Variants in DISC1 observed in about 807,000 individuals in gnomAD.
DISC1 encodes the protein DISC1 scaffold protein.
Under a neutral mutation model 84.5 loss-of-function variants are expected in DISC1, and 57 were observed. That is an observed-to-expected ratio of 0.67 (90% CI 0.55 to 0.84). DISC1 has a LOEUF of 0.84. Ranked by LOEUF, DISC1 falls within the 40% of genes least tolerant of loss-of-function variation. DISC1 has a pLI of 0.00. For synonymous variants in DISC1, 411 were observed against 415.2 expected (o/e 0.99, Z 0.12); for missense variants, 1,000 against 1,057.8 (o/e 0.95, Z 0.76).
intron 3 of DISC1, among the ~76,000 whole-genome samples, chr1:231,729,706 A>G (rs1348765778): frequency 6.7e-6 from 1 of 148,192 alleles, no homozygotes; most frequent in Non-Finnish European, 1.5e-5. Flanking sequence ...TTAATCCTCT[A>G]GGGTTTTTTT....
intron 3 of DISC1, among the ~76,000 whole-genome samples, chr1:231,741,436 G>A (rs570849003): frequency 6.6e-6 from 1 of 152,208 alleles, no homozygotes; most frequent in Non-Finnish European, 1.5e-5. Context: ...CAAAACAAGG[G>A]AATCTAAAGT....
intron 9 of DISC1, among the ~76,000 whole-genome samples, chr1:231,845,681 C>T (rs957343594): frequency 6.6e-6 from 1 of 151,524 alleles, no homozygotes; most frequent in African/African-American, 2.4e-5. Context: ...AACGGAGTGG[C>T]AGGAAGGTGA....
chr1:231,952,007 C>G (rs150174996), intron 9 of DISC1, among the ~76,000 whole-genome samples: 1 of 143,522 alleles, frequency 7.0e-6, no homozygotes, highest in Non-Finnish European at 1.5e-5. Context: ...CACTTGAGCC[C>G]AGGAGTTCAA....
chr1:231,681,601 A>G (rs1029084728), intron 1 of DISC1, among the ~76,000 whole-genome samples: 3 of 152,298 alleles, frequency 2.0e-5, no homozygotes, highest in Non-Finnish European at 2.9e-5. Context: ...TTGAATGGCA[A>G]TGGAGGGGAA....
At chr1:231,628,190 G>T (rs2058422028) in intron 1 of DISC1, among the ~76,000 whole-genome samples, 1 of 152,186 alleles carries the variant, frequency 6.6e-6, no homozygotes, top group Non-Finnish European at 1.5e-5. Flanking sequence ...CATGGTACAT[G>T]AAGTCCTCTG....
At chr1:231,753,518 C>G (rs780704454) in intron 4 of DISC1, among the ~76,000 whole-genome samples, 1 of 152,238 alleles carries the variant, frequency 6.6e-6, no homozygotes, top group African/African-American at 2.4e-5. Flanking sequence ...CCCATGAAAC[C>G]ATTCCGTCCT....
At chr1:231,758,176 T>C (rs972698658) in intron 4 of DISC1, among the ~76,000 whole-genome samples, 21 of 152,114 alleles carry the variant, frequency 1.4e-4, no homozygotes, top group African/African-American at 5.1e-4. Context: ...TTTATTGAAT[T>C]TTCCTCTTTC....
chr1:231,831,291 G>C (rs150703173), intron 9 of DISC1, among the ~76,000 whole-genome samples: 2 of 152,194 alleles, frequency 1.3e-5, no homozygotes, highest in South Asian at 2.1e-4. Context: ...TAGATTTCCA[G>C]GATGGAAAGG....
intron 8 of DISC1, among the ~76,000 whole-genome samples, chr1:231,812,445 C>T (rs2080398788): frequency 1.3e-5 from 2 of 152,140 alleles, no homozygotes; most frequent in Non-Finnish European, 2.9e-5. Flanking sequence ...TTAATTTAAA[C>T]ACAATTTAAA....
intron 9 of DISC1, among the ~76,000 whole-genome samples, chr1:231,871,262 C>T (rs1204692686): frequency 6.6e-6 from 1 of 152,200 alleles, no homozygotes; most frequent in Non-Finnish European, 1.5e-5. Context: ...GCCATTCTCT[C>T]CTCAGAGTGT....
chr1:231,736,718 A>T (rs1257365040), intron 3 of DISC1, among the ~76,000 whole-genome samples: 1 of 152,258 alleles, frequency 6.6e-6, no homozygotes, highest in Non-Finnish European at 1.5e-5. Context: ...GAATTAGAAT[A>T]TTCAGCTCTC....
At chr1:231,972,751 A>G (rs1662183145) in intron 10 of DISC1, among the ~76,000 whole-genome samples, 3 of 152,220 alleles carry the variant, frequency 2.0e-5, no homozygotes. Flanking sequence ...AGAAAATGGC[A>G]GTTGATGTCT....
chr1:231,643,066 A>G (rs2059855436), intron 1 of DISC1, among the ~76,000 whole-genome samples: 1 of 152,202 alleles, frequency 6.6e-6, no homozygotes, highest in Non-Finnish European at 1.5e-5. Context: ...TATTTCCACC[A>G]AGGGAGAGCT....
chr1:231,653,361 A>G (rs994252681), intron 1 of DISC1, among the ~76,000 whole-genome samples: 7 of 152,132 alleles, frequency 4.6e-5, no homozygotes, highest in Non-Finnish European at 5.9e-5. Context: ...CCATGCAGGG[A>G]CTCAGGCCCT....
chr1:231,652,431 G>T (rs1232005702), intron 1 of DISC1, among the ~76,000 whole-genome samples: 2 of 152,160 alleles, frequency 1.3e-5, no homozygotes, highest in Non-Finnish European at 2.9e-5. Flanking sequence ...ATTCAATACT[G>T]ATGGGAAAAC....
intron 9 of DISC1, among the ~76,000 whole-genome samples, chr1:231,851,806 C>T (rs545151049): frequency 1.1e-4 from 16 of 152,124 alleles, no homozygotes; most frequent in Non-Finnish European, 2.2e-4. Flanking sequence ...TTTGAGGAGG[C>T]AGAGTTCCCC....
chr1:231,797,220 A>C (rs1389849635), intron 7 of DISC1, among the ~76,000 whole-genome samples: 1 of 152,194 alleles, frequency 6.6e-6, no homozygotes, highest in Non-Finnish European at 1.5e-5. Context: ...TGTGTATGAC[A>C]CTGTATATTG....
chr1:231,770,828 T>G lies in DISC1; in HGVS notation c.1399-7T>G. ...TTTATAAAATCTTGTCTCCTCATTCTCTACAGAAAGAAATCGAAGCTCTCC... is the reference window on the plus strand; with the variant it reads ...TTTATAAAATCTTGTCTCCTCATTCGCTACAGAAAGAAATCGAAGCTCTCC... On this transcript the variant is annotated splice_region_variant and splice_polypyrimidine_tract_variant and intron_variant, in intron 5 of 12. Coordinates refer to ENST00000439617, the MANE Select transcript of DISC1 (RefSeq NM_018662.3). 4 of 1,613,726 alleles carry G rather than the reference T, an allele frequency of 2.5e-6. No individual in the cohort carries two copies. Among genetic ancestry groups the G allele is most frequent in the Non-Finnish European group, 2.5e-6 (3 of 1,179,818 alleles).
Position 232,031,188 on chromosome 1 carries a change from G to GGAGA in DISC1, c.2425+4639_2425+4642dup, listed in dbSNP as rs199843302. ...GAACAGGAAGGAAGGAAGGGAGAAA[G>GGAGA]GAGAGACAGAGAGAGAGGAAGGAAG... On this transcript the variant is annotated intron_variant, in intron 12 of 12. Transcript: ENST00000439617. The surrounding 1 kb of genome is among the most constrained non-coding windows in gnomAD (Gnocchi z 4.6). Among the ~76,000 whole-genome samples, 1 of 106,732 alleles carries GGAGA rather than the reference G, an allele frequency of 9.4e-6. No homozygotes were observed. The highest frequency in any genetic ancestry group is 3.4e-5 in the African/African-American group (1 of 29,592). 70.0% of individuals were successfully genotyped at this position (106,732 alleles called of 152,430 possible). A position where few individuals can be genotyped will look rare whatever the true frequency, so the allele number is the denominator to read the frequency against.
Sources: allele counts gnomAD v4.1 joint callset (sites outside exome capture counted in the v4.1 genomes callset), GRCh38; gene constraint gnomAD v4.1.1; non-coding constraint Gnocchi (gnomAD v3.1); transcripts MANE v1.5; gene names NCBI Gene and HGNC (gene_info 2026-07-23, HGNC 2026-07-21).